GDA: variants seen among roughly 807,000 people sequenced by gnomAD.
GDA encodes guanine deaminase.
A neutral mutation model predicts 59.6 loss-of-function variants in GDA; 18 were observed. The ratio of observed to expected loss-of-function variants is 0.30; its 90% confidence interval spans 0.21 to 0.45. The LOEUF is 0.45. Ranked by LOEUF, GDA falls within the 20% of genes least tolerant of loss-of-function variation. The pLI, the probability that GDA is intolerant of heterozygous loss-of-function variation, is 1.00. For missense variants in GDA, 427 were observed against 552.3 expected (o/e 0.77, Z 2.27); for synonymous variants, 201 against 201.1 (o/e 1.00, Z 0.00).
intron 1 of GDA, among the ~76,000 whole-genome samples, chr9:72,166,403 G>C (rs1185358671): frequency 2.7e-5 from 4 of 149,222 alleles, no homozygotes; most frequent in African/African-American, 5.0e-5. Context: ...CCAGAGACTG[G>C]GAAGGATGTG....
At chr9:72,220,242 T>C (rs895050319) in intron 6 of GDA, among the ~76,000 whole-genome samples, 1 of 152,202 alleles carries the variant, frequency 6.6e-6, no homozygotes, top group African/African-American at 2.4e-5. Context: ...GTCAAACTTA[T>C]AGAAACAGAG....
At chr9:72,131,340 C>T (rs1370797620) in intron 1 of GDA, among the ~76,000 whole-genome samples, 1 of 152,168 alleles carries the variant, frequency 6.6e-6, no homozygotes, top group African/African-American at 2.4e-5. Context: ...CCCTCCCTGC[C>T]AAGAATCTTG....
intron 3 of GDA, among the ~76,000 whole-genome samples, chr9:72,208,292 A>G (rs1371612128): frequency 6.6e-6 from 1 of 152,198 alleles, no homozygotes; most frequent in Non-Finnish European, 1.5e-5. Context: ...GGAAACATGG[A>G]ATGTAAGCAA....
At chr9:72,148,966 T>G (rs1000993144), upstream of GDA, among the ~76,000 whole-genome samples, 1 of 152,204 alleles carries the variant, frequency 6.6e-6, no homozygotes, top group Non-Finnish European at 1.5e-5. Flanking sequence ...GCGTCCACAA[T>G]GACACCCAGT....
chr9:72,130,503 G>A (rs4745166), intron 1 of GDA, among the ~76,000 whole-genome samples: 68,862 of 152,084 alleles, frequency 0.45, 17,851 homozygotes, highest in Non-Finnish European at 0.58. Context: ...CCACACCACT[G>A]GTTAGTGGAA....
At chr9:72,139,793 G>T (rs1587325826) in intron 1 of GDA, among the ~76,000 whole-genome samples, 1 of 152,084 alleles carries the variant, frequency 6.6e-6, no homozygotes, top group African/African-American at 2.4e-5. Context: ...ACAAAATAAG[G>T]TTTTGTTTTG....
At chr9:72,161,899 A>C (rs1828678712) in intron 1 of GDA, among the ~76,000 whole-genome samples, 2 of 152,232 alleles carry the variant, frequency 1.3e-5, no homozygotes, top group Admixed American at 6.5e-5. Flanking sequence ...GACAAGAAAT[A>C]GTTAATCAAC....
chr9:72,187,980 G>T (rs1374277771), intron 1 of GDA, among the ~76,000 whole-genome samples: 1 of 152,190 alleles, frequency 6.6e-6, no homozygotes, highest in African/African-American at 2.4e-5. Context: ...GATGAAATAG[G>T]ATATCTAGCT....
Position 72,248,796 on chromosome 9 carries a change from G to A in GDA, c.*454G>A, listed in dbSNP as rs905152761. The A allele has an allele frequency of 2.8e-5, 28 of 989,930 alleles. No individual in the cohort carries two copies. In the East Asian group the frequency reaches 1.8e-3, roughly 63 times the overall value. 61.3% of individuals were successfully genotyped at this position (989,930 alleles called of 1,614,324 possible). A position where few individuals can be genotyped will look rare whatever the true frequency, so the allele number is the denominator to read the frequency against. The stretch of plus-strand genomic sequence containing the variant: ...AGCAAAAGTTAGACTGAGAACAAAC[G>A]TTAGAAAATCACTTCAGATTGTGTT... On this transcript the variant is annotated 3_prime_UTR_variant, in exon 14 of 14. Transcript: ENST00000358399.
chr9:72,216,441 C>A (rs1374095519), intron 5 of GDA, among the ~76,000 whole-genome samples: 1 of 152,142 alleles, frequency 6.6e-6, no homozygotes, highest in Non-Finnish European at 1.5e-5. Context: ...ATGTTCATAA[C>A]TGGTGAATGG....
chr9:72,147,803 C>T (rs146156000), upstream of GDA, among the ~76,000 whole-genome samples: 116 of 152,268 alleles, frequency 7.6e-4, no homozygotes, highest in African/African-American at 2.7e-3. Flanking sequence ...AGTGTGCTGG[C>T]TGTCGGTACT....
At chr9:72,163,112 CAG>C (rs1321754783) in intron 1 of GDA, among the ~76,000 whole-genome samples, 2 of 152,078 alleles carry the variant, frequency 1.3e-5, no homozygotes, top group African/African-American at 4.8e-5. Flanking sequence ...TGGAGAGAAA[CAG>C]GGAGCTCTGT....
At chr9:72,177,379 A>G (rs1027376673) in intron 1 of GDA, among the ~76,000 whole-genome samples, 2 of 152,154 alleles carry the variant, frequency 1.3e-5, no homozygotes, top group Non-Finnish European at 2.9e-5. Flanking sequence ...TACAGGCGTG[A>G]GCCACCGTGC....
chr9:72,258,807 A>G (rs1348011903), downstream of GDA, among the ~76,000 whole-genome samples: 1 of 152,094 alleles, frequency 6.6e-6, no homozygotes, highest in African/African-American at 2.4e-5. Flanking sequence ...AAAGAGCCTC[A>G]CCCATGGGTG....
intron 1 of GDA, among the ~76,000 whole-genome samples, chr9:72,119,720 T>C (rs1021368652): frequency 2.0e-5 from 3 of 152,158 alleles, no homozygotes; most frequent in South Asian, 2.1e-4. Flanking sequence ...AAAAAATTCT[T>C]TTCATTTGAT....
At chr9:72,217,548 A>G (rs114847680) in intron 5 of GDA, among the ~76,000 whole-genome samples, 383 of 152,328 alleles carry the variant, frequency 2.5e-3, no homozygotes, top group African/African-American at 8.2e-3. Flanking sequence ...TTGAATGTCA[A>G]TATTATTTTT....
At chr9:72,214,615 G>A (rs1327478040) in intron 5 of GDA, 1 of 178,204 alleles carries the variant, frequency 5.6e-6, no homozygotes, top group Non-Finnish European at 1.2e-5. Context: ...TTTATGATAA[G>A]GAAGCTGAGT....
At chr9:72,193,384 T>C (rs745904867) in intron 1 of GDA, among the ~76,000 whole-genome samples, 18 of 152,242 alleles carry the variant, frequency 1.2e-4, no homozygotes, top group Admixed American at 3.9e-4. Context: ...CTCGTAAAGG[T>C]AGTGCCTTGA....
At chr9:72,148,703 C>G (rs1481872529), upstream of GDA, among the ~76,000 whole-genome samples, 2 of 152,084 alleles carry the variant, frequency 1.3e-5, no homozygotes, top group Non-Finnish European at 2.9e-5. Flanking sequence ...AGTCCAAGCT[C>G]CATTTTCATA....
Sources: allele counts gnomAD v4.1 joint callset (sites outside exome capture counted in the v4.1 genomes callset), GRCh38; gene constraint gnomAD v4.1.1; transcripts MANE v1.5; gene names NCBI Gene and HGNC (gene_info 2026-07-23, HGNC 2026-07-21).